The following SH3RF2 variants were observed in gnomAD, a reference collection of about 807,000 sequenced individuals.
SH3RF2 encodes the protein E3 ubiquitin-protein ligase SH3RF2.
Under a neutral mutation model 59.0 loss-of-function variants are expected in SH3RF2, and 43 were observed. That is an observed-to-expected ratio of 0.73 (90% CI 0.57 to 0.94). The LOEUF (loss-of-function observed/expected upper bound fraction) is 0.94, where lower values mean the gene tolerates loss of function less well. SH3RF2 is among the 40% of genes least tolerant of loss of function. The probability of loss-of-function intolerance (pLI) is 0.00; values close to 1 mark genes in which losing one functional copy is unlikely to be tolerated. For synonymous variants in SH3RF2, 391 were observed against 391.5 expected (o/e 1.00, Z 0.01); for missense variants, 930 against 940.1 (o/e 0.99, Z 0.14).
At chr5:146,068,526 A>C (rs1247285593) in intron 9 of SH3RF2, among the ~76,000 whole-genome samples, 1 of 152,242 alleles carries the variant, frequency 6.6e-6, no homozygotes, top group Non-Finnish European at 1.5e-5. Flanking sequence ...CATGAAAGAC[A>C]GTCACTTAGG....
chr5:146,000,509 C>T (rs571548111), intron 3 of SH3RF2, among the ~76,000 whole-genome samples, 182 bp downstream of exon 3: 1 of 152,026 alleles, frequency 6.6e-6, no homozygotes, highest in South Asian at 2.1e-4. Flanking sequence ...ATATGTAGTG[C>T]ATATATATGT....
chr5:145,976,170 A>G (rs966496518), intron 2 of SH3RF2, among the ~76,000 whole-genome samples: 3 of 152,222 alleles, frequency 2.0e-5, no homozygotes, highest in Non-Finnish European at 4.4e-5. Flanking sequence ...AATAATTAAC[A>G]AATGCAGGAT....
chr5:146,078,984 C>G (rs949485756), exon 10 of SH3RF2: 2 of 152,256 alleles, frequency 1.3e-5, no homozygotes, highest in Non-Finnish European at 2.9e-5. Flanking sequence ...CAGCCCGACT[C>G]CCCACCAAGC....
At chr5:146,044,716 C>G (rs908863309) in intron 5 of SH3RF2, among the ~76,000 whole-genome samples, 1 of 152,124 alleles carries the variant, frequency 6.6e-6, no homozygotes, top group African/African-American at 2.4e-5. Flanking sequence ...CAGTTTTACC[C>G]TATGCCATTC....
At chr5:146,032,263 C>T (rs1761768740) in intron 5 of SH3RF2, among the ~76,000 whole-genome samples, 1 of 152,064 alleles carries the variant, frequency 6.6e-6, no homozygotes, top group African/African-American at 2.4e-5. Context: ...TCAAGCAAAC[C>T]AACCTCTTGA....
intron 4 of SH3RF2, among the ~76,000 whole-genome samples, chr5:146,010,321 T>A (rs1224908202): frequency 1.3e-5 from 2 of 152,208 alleles, no homozygotes; most frequent in African/African-American, 4.8e-5. Context: ...CTATTGTGAA[T>A]AGTGCCACAA....
chr5:145,990,524 G>A (rs1759893278), intron 2 of SH3RF2, among the ~76,000 whole-genome samples: 1 of 152,142 alleles, frequency 6.6e-6, no homozygotes, highest in African/African-American at 2.4e-5. Context: ...CCTATCAGAA[G>A]GTAAGGAGAG....
chr5:146,077,722 A>G (rs1580964223), intron 9 of SH3RF2, among the ~76,000 whole-genome samples: 1 of 152,194 alleles, frequency 6.6e-6, no homozygotes, highest in Non-Finnish European at 1.5e-5. Context: ...TAGAAAAATT[A>G]TTTCAAAAGT....
chr5:145,999,147 A>G (rs1760289325), intron 2 of SH3RF2, among the ~76,000 whole-genome samples: 1 of 152,158 alleles, frequency 6.6e-6, no homozygotes, highest in African/African-American at 2.4e-5. Flanking sequence ...TTATAGAGAC[A>G]GCTTCTCTTC....
rs140313784 is a variant in SH3RF2, at chr5:146,042,168, T to TA, written c.1060-5603dup. Among the ~76,000 whole-genome samples, 1,265 of 152,208 alleles carry TA rather than the reference T, an allele frequency of 8.3e-3. 19 individuals carry two copies. The highest frequency in any genetic ancestry group is 0.029 in the African/African-American group (1,198 of 41,528). On this transcript the variant is annotated intron_variant, in intron 5 of 9. Coordinates refer to ENST00000359120, the MANE Select transcript of SH3RF2 (RefSeq NM_152550.4). ...GGCATGGGATGGAGAAAAACAAACT[T>TA]ACATTTGGAAAGGTGGAGAGGTTTT...
chr5:145,937,536 A>G (rs565783230), intron 1 of SH3RF2, among the ~76,000 whole-genome samples: 1 of 152,210 alleles, frequency 6.6e-6, no homozygotes, highest in East Asian at 1.9e-4. Flanking sequence ...CCTGGCTGGT[A>G]GAGAGGGGTT....
chr5:146,037,464 T>C (rs1332242327), intron 5 of SH3RF2, among the ~76,000 whole-genome samples: 4 of 152,144 alleles, frequency 2.6e-5, no homozygotes, highest in Non-Finnish European at 5.9e-5. Flanking sequence ...AGGACTTGAA[T>C]TGATGATGTA....
chr5:146,048,951 C>A, intron 6 of SH3RF2, 124 bp from the exon 7 acceptor site: 1 of 1,145,120 alleles, frequency 8.7e-7, no homozygotes, highest in East Asian at 2.5e-5. Flanking sequence ...ACCACCGCAC[C>A]CGCTCGACCA....
intron 2 of SH3RF2, among the ~76,000 whole-genome samples, chr5:145,992,898 T>A (rs1171474192): frequency 1.3e-5 from 2 of 151,732 alleles, no homozygotes; most frequent in East Asian, 3.9e-4. Flanking sequence ...TTCACAACAG[T>A]CCCCCAAAGT....
At chr5:146,064,807 G>GGAAAGAAAGAAAGAAAGAAA (rs1216580727), downstream of SH3RF2, among the ~76,000 whole-genome samples, 1 of 18,298 alleles carries the variant, frequency 5.5e-5, no homozygotes, top group African/African-American at 1.7e-4. Flanking sequence ...AAGGAAGGAA[G>GGAAAGAAAGAAAGAAAGAAA]GAAAGAAAGA....
intron 7 of SH3RF2, among the ~76,000 whole-genome samples, chr5:146,050,736 A>G (rs143294897): frequency 4.6e-5 from 7 of 152,342 alleles, no homozygotes; most frequent in African/African-American, 1.7e-4. Flanking sequence ...TAAAACCAAG[A>G]TATTTAAGTA....
At chr5:146,026,134 G>T (rs1775570870) in intron 5 of SH3RF2, among the ~76,000 whole-genome samples, 1 of 152,178 alleles carries the variant, frequency 6.6e-6, no homozygotes, top group Admixed American at 6.5e-5. Flanking sequence ...ATGGAGGAGG[G>T]GGTGATCTTG....
rs762755053 is a variant in SH3RF2 at position 145,938,060 on chromosome 5, C to T, written c.132C>T (p.His44=). The change falls in exon 2 of 10, where the codon CAC becomes CAT. Residue 44 remains histidine, a synonymous_variant. Coordinates refer to ENST00000359120, the MANE Select transcript of SH3RF2 (RefSeq NM_152550.4). The part of the protein sequence containing the change: ...KPCLQRVFKA[H]KELRCPECRT... Reference sequence around the variant, plus strand: ...GTCTACAGAGGGTTTTCAAGGCCCACAAAGAGCTGCGGTGCCCCGAATGCA... The same window carrying T: ...GTCTACAGAGGGTTTTCAAGGCCCATAAAGAGCTGCGGTGCCCCGAATGCA... 2.5e-6 allele frequency: 4 copies of T among 1,614,144 alleles called. No individual in the cohort carries two copies. Among genetic ancestry groups the T allele is most frequent in the Admixed American group, 1.7e-5 (1 of 60,012 alleles).
At chr5:145,956,448 G>T (rs1758408961) in intron 2 of SH3RF2, among the ~76,000 whole-genome samples, 1 of 151,888 alleles carries the variant, frequency 6.6e-6, no homozygotes, top group Admixed American at 6.6e-5. Flanking sequence ...GCTAATTTTT[G>T]TATTTTTAGT....
Sources: gnomAD v4.1 joint callset for allele counts (sites outside exome capture counted in the v4.1 genomes callset) on GRCh38, gnomAD v4.1.1 for gene constraint, MANE v1.5 for transcripts, NCBI Gene and HGNC (gene_info 2026-07-23, HGNC 2026-07-21) for gene names.